DCUN1D4: variants seen among roughly 807,000 people sequenced by gnomAD.
The protein encoded by DCUN1D4 is DCN1-like protein 4.
A neutral mutation model predicts 47.9 loss-of-function variants in DCUN1D4; 22 were observed. The observed-to-expected ratio is 0.46, with a 90% CI of 0.33 to 0.66. DCUN1D4 has a LOEUF of 0.66. Among genes scored for constraint, DCUN1D4 ranks in the 30% least tolerant of loss-of-function variants. The pLI is 0.02. For missense variants in DCUN1D4, 301 were observed against 340.8 expected (o/e 0.88, Z 0.92); for synonymous variants, 121 against 112.2 (o/e 1.08, Z -0.50).
At chr4:51,861,924 C>T (rs1453521265) in intron 1 of DCUN1D4, among the ~76,000 whole-genome samples, 4 of 118,712 alleles carry the variant, frequency 3.4e-5, no homozygotes, top group African/African-American at 5.0e-5. Flanking sequence ...CCCCTGTTCA[C>T]GTTTAATAAA....
intron 6 of DCUN1D4, among the ~76,000 whole-genome samples, chr4:51,887,805 G>A (rs1729738121): frequency 2.7e-5 from 4 of 150,170 alleles, no homozygotes; most frequent in African/African-American, 9.8e-5. Flanking sequence ...CTGTGCTTCT[G>A]TCATCTATCT....
intron 6 of DCUN1D4, among the ~76,000 whole-genome samples, chr4:51,887,885 T>TAAA (rs1729752193): frequency 2.0e-5 from 3 of 151,930 alleles, no homozygotes; most frequent in Admixed American, 2.0e-4. Context: ...CATAGATTTT[T>TAAA]ATCTTGGTTT....
At chr4:51,837,141 T>G in the DCUN1D4 span, among the ~76,000 whole-genome samples, 1 of 152,228 alleles carries the variant, frequency 6.6e-6, no homozygotes, top group Non-Finnish European at 1.5e-5. Context: ...TCATTAGGAC[T>G]TGATTAGCTC....
At chr4:51,905,313 A>G (rs1430522961) in intron 8 of DCUN1D4, 6 of 430,938 alleles carry the variant, frequency 1.4e-5, no homozygotes, top group Non-Finnish European at 2.4e-5. Flanking sequence ...TCTGCCCTTG[A>G]CGTCCAGGCC....
intron 4 of DCUN1D4, among the ~76,000 whole-genome samples, chr4:51,876,192 A>T (rs1180805995): frequency 2.6e-5 from 4 of 152,206 alleles, no homozygotes; most frequent in Non-Finnish European, 5.9e-5. Flanking sequence ...GATAGACTGG[A>T]TCAAGAAAAT....
In DCUN1D4 at chr4:51,915,083, G is replaced by A. The variant is rs956046920; in HGVS notation, c.*1499G>A. On this transcript the variant is annotated 3_prime_UTR_variant, in exon 11 of 11. Coordinates refer to ENST00000334635, the MANE Select transcript of DCUN1D4 (RefSeq NM_001040402.3). ...TGGAACTCTGGCTAAAACTTCTTTC[G>A]GGTGACATGTGATCGTTTAAATGGC... 15 of 152,362 alleles carry A rather than the reference G, an allele frequency of 9.8e-5. No homozygotes were observed. The highest frequency in any genetic ancestry group is 1.9e-4 in the African/African-American group (8 of 41,354). 9.4% of individuals were successfully genotyped at this position (152,362 alleles called of 1,614,324 possible). A position where few individuals can be genotyped will look rare whatever the true frequency, so the allele number is the denominator to read the frequency against.
At chr4:51,853,182 C>T (rs751846552) in intron 1 of DCUN1D4, among the ~76,000 whole-genome samples, 11 of 152,082 alleles carry the variant, frequency 7.2e-5, no homozygotes, top group Non-Finnish European at 1.3e-4. Flanking sequence ...CTCCCTTGGG[C>T]GGATGGTTTC....
At chr4:51,891,629 AT>A (rs1308380644) in intron 6 of DCUN1D4, 130 bp from the exon 7 acceptor site, 1 of 671,404 alleles carries the variant, frequency 1.5e-6, no homozygotes, top group Non-Finnish European at 2.4e-6. Flanking sequence ...CTCTGCTCAT[AT>A]TTCAGTGACT....
rs529996286 is a variant in DCUN1D4 at position 51,865,311 on chromosome 4, G to A, written c.136+1602G>A. On this transcript the variant is annotated intron_variant, in intron 3 of 10. Coordinates refer to ENST00000334635, the MANE Select transcript of DCUN1D4 (RefSeq NM_001040402.3). ...TGGAGCTACTCTTCCACAACACCTG[G>A]AAGGAGGAGCTCTATCTAAATGTCT... 6 of 222,398 alleles carry A rather than the reference G, an allele frequency of 2.7e-5. No homozygotes were observed. In the South Asian group the frequency reaches 4.4e-4, roughly 16 times the overall value. The allele number at this position is 222,398 out of a possible 1,614,324, so 13.8% of individuals were successfully genotyped here.
upstream of DCUN1D4, among the ~76,000 whole-genome samples, chr4:51,842,371 C>A (rs939985182): frequency 6.6e-6 from 1 of 152,152 alleles, no homozygotes; most frequent in East Asian, 1.9e-4. Context: ...TCGTGGCATT[C>A]GAAGCCTCTT....
At position 51,913,687 on chromosome 4, in the gene DCUN1D4, T is replaced by C; in HGVS notation, c.*103T>C. 4 of 1,055,902 alleles carry C rather than the reference T, an allele frequency of 3.8e-6. No individual in the cohort carries two copies. In the South Asian group the frequency reaches 4.3e-5, roughly 11 times the overall value. The allele number at this position is 1,055,902 out of a possible 1,614,324, so 65.4% of individuals were successfully genotyped here. A position where few individuals can be genotyped will look rare whatever the true frequency, so the allele number is the denominator to read the frequency against. On this transcript the variant is annotated 3_prime_UTR_variant, in exon 11 of 11. Coordinates refer to ENST00000334635, the MANE Select transcript of DCUN1D4 (RefSeq NM_001040402.3). ...AAAGCGCATGCTGCTTCTCTTGCAC[T>C]GTTTCCCTTTCGCAGGGACATGTTG...
chr4:51,879,705 A>G (rs1422756435), intron 5 of DCUN1D4, among the ~76,000 whole-genome samples: 2 of 152,252 alleles, frequency 1.3e-5, no homozygotes, highest in African/African-American at 2.4e-5. Context: ...GATTATGAAG[A>G]TCTCTTGCTT....
upstream of DCUN1D4, among the ~76,000 whole-genome samples, chr4:51,839,602 T>C (rs554353393): frequency 6.6e-6 from 1 of 152,224 alleles, no homozygotes; most frequent in Non-Finnish European, 1.5e-5. Flanking sequence ...AGGGGGTTTA[T>C]TTTCATTTCC....
chr4:51,844,746 T>A, intron 1 of DCUN1D4: 1 of 776,588 alleles, frequency 1.3e-6, no homozygotes, highest in Non-Finnish European at 1.6e-6. Flanking sequence ...AGTCAACGGG[T>A]ATGAAGGGGA....
At position 51,911,179 on chromosome 4, in the gene DCUN1D4, C is replaced by T; in HGVS notation, c.720+5C>T. The T allele has an allele frequency of 6.2e-7, 1 of 1,604,664 alleles. No individual in the cohort carries two copies. The highest frequency in any genetic ancestry group is 8.5e-7 in the Non-Finnish European group (1 of 1,174,816). ...GTTTTTCACCAATTCTTAGAGGTAC[C>T]AAATTGTTGTTTTATGAAATGTATG... On this transcript the variant is annotated splice_donor_5th_base_variant and intron_variant, in intron 9 of 10. Transcript: ENST00000334635.
chr4:51,835,048 C>A, the DCUN1D4 span, among the ~76,000 whole-genome samples: 1 of 152,286 alleles, frequency 6.6e-6, no homozygotes, highest in Middle Eastern at 3.4e-3. Context: ...ACTCCAAAGA[C>A]TATGCTAGGT....
chr4:51,834,980 A>T, the DCUN1D4 span, among the ~76,000 whole-genome samples: 1 of 152,218 alleles, frequency 6.6e-6, no homozygotes, highest in Admixed American at 6.5e-5. Context: ...TATTGGGGAA[A>T]CTGTGTTTCA....
In DCUN1D4 at chr4:51,891,223, A is replaced by G. The variant is rs1379962533; in HGVS notation, c.415-537A>G. Among the ~76,000 whole-genome samples the G allele has an allele frequency of 3.9e-5, 6 of 152,376 alleles. No individual in the cohort carries two copies. The South Asian group carries it at 1.2e-3, about 32-fold the overall frequency. ...CTTAATACATCTTGGAAATTATTCCATATTTGTCCAGCTAGTTCTACTTCA... is the reference window on the plus strand; with the variant it reads ...CTTAATACATCTTGGAAATTATTCCGTATTTGTCCAGCTAGTTCTACTTCA... On this transcript the variant is annotated intron_variant, in intron 6 of 10. Transcript: ENST00000334635.
upstream of DCUN1D4, among the ~76,000 whole-genome samples, chr4:51,841,054 G>A (rs541152831): frequency 6.6e-6 from 1 of 152,236 alleles, no homozygotes; most frequent in African/African-American, 2.4e-5. Flanking sequence ...CAAAGCAGCC[G>A]ACCCATCCTT....
Sources: gnomAD v4.1 joint callset for allele counts (sites outside exome capture counted in the v4.1 genomes callset) on GRCh38, gnomAD v4.1.1 for gene constraint, MANE v1.5 for transcripts, NCBI Gene and HGNC (gene_info 2026-07-23, HGNC 2026-07-21) for gene names.